The following CA3 variants were observed in gnomAD, a reference collection of about 807,000 sequenced individuals.
CA3 encodes carbonic anhydrase 3, also known as CA-III.
A neutral mutation model predicts 35.7 loss-of-function variants in CA3; 30 were observed. That is an observed-to-expected ratio of 0.84 (90% confidence interval 0.63 to 1.14). CA3 has a LOEUF of 1.14. Ranked by LOEUF, CA3 falls within the 50% of genes most tolerant of loss-of-function variation. The pLI is 0.00. For synonymous variants in CA3, 131 were observed against 130.8 expected (o/e 1.00, Z -0.01); for missense variants, 295 against 328.5 (o/e 0.90, Z 0.79).
intron 5 of CA3, 128 bp from the exon 6 acceptor site, chr8:85,446,012 CTT>C: frequency 1.1e-6 from 1 of 869,982 alleles, no homozygotes; most frequent in East Asian, 2.7e-5. Flanking sequence ...AAGGCTTATA[CTT>C]TGTTTAGAAG....
chr8:85,448,116 C>T lies in CA3; in HGVS notation c.746C>T (p.Pro249Leu). 6.2e-7 allele frequency: 1 copy of T among 1,613,442 alleles called. No individual in the cohort carries two copies. The highest frequency in any genetic ancestry group is 8.5e-7 in the Non-Finnish European group (1 of 1,179,702). ...PLVSNWRPPQ[P>L]INNRVVRASF... Reference sequence around the variant, plus strand: ...GTGAGCAACTGGCGACCTCCACAGCCTATCAATAACAGGGTGGTGAGAGCT... The same window carrying T: ...GTGAGCAACTGGCGACCTCCACAGCTTATCAATAACAGGGTGGTGAGAGCT... Residue 249 changes from proline to leucine, a missense_variant, in exon 7 of 7, where the codon CCT becomes CTT. Pro to Leu is a moderately conservative substitution (Grantham distance 98). Transcript: ENST00000285381.
intron 5 of CA3, among the ~76,000 whole-genome samples, 175 bp from the exon 6 acceptor site, chr8:85,445,967 C>G (rs1811283284): frequency 6.6e-6 from 1 of 152,150 alleles, no homozygotes; most frequent in African/African-American, 2.4e-5. Flanking sequence ...TAATAATGTG[C>G]AAACCAGCTT....
Position 85,448,021 on chromosome 8 carries a change from C to T in CA3, c.664-13C>T. On this transcript the variant is annotated splice_polypyrimidine_tract_variant and intron_variant, in intron 6 of 6. Coordinates refer to ENST00000285381, the MANE Select transcript of CA3 (RefSeq NM_005181.4). ...CGAATGTCTTGTTAACAGTCTGCCCCTGCCCTTTGCAGATGGCCAAGCTGC... is the reference window on the plus strand; with the variant it reads ...CGAATGTCTTGTTAACAGTCTGCCCTTGCCCTTTGCAGATGGCCAAGCTGC... 6.2e-7 allele frequency: 1 copy of T among 1,609,944 alleles called. No individual in the cohort carries two copies. The highest frequency in any genetic ancestry group is 8.5e-7 in the Non-Finnish European group (1 of 1,178,150).
At chr8:85,445,628 G>C (rs1316687960) in intron 5 of CA3, among the ~76,000 whole-genome samples, 3 of 151,736 alleles carry the variant, frequency 2.0e-5, no homozygotes, top group Non-Finnish European at 4.4e-5. Flanking sequence ...GAGCTTTCTG[G>C]GAAGCACTTA....
chr8:85,439,794 G>T lies in CA3; in HGVS notation c.117G>T (p.Arg39Ser), dbSNP rs1165727096. The T allele has an allele frequency of 1.9e-6, 3 of 1,613,950 alleles. No homozygotes were observed. Among genetic ancestry groups the T allele is most frequent in the Non-Finnish European group, 2.5e-6 (3 of 1,179,924 alleles). ...TTGAGCTGCATACTAAAGACATCAG[G>T]CATGACCCTTCTCTGCAGCCATGGT... ...SPVELHTKDI[R>S]HDPSLQPWSV... The change falls in exon 2 of 7, where the codon AGG (arginine) becomes AGT (serine). Residue 39 changes from arginine to serine, a missense_variant. Physicochemically the swap from Arg to Ser is moderately radical, Grantham distance 110 (BLOSUM62 -1). Transcript: ENST00000285381.
chr8:85,440,007 G>A (rs1811186920), intron 2 of CA3, 98 bp downstream of exon 2: 2 of 842,232 alleles, frequency 2.4e-6, no homozygotes, highest in Non-Finnish European at 3.8e-6. Context: ...TGGGGAGAGG[G>A]AGCACTTTAT....
At chr8:85,444,415 T>C (rs1048781264) in intron 4 of CA3, among the ~76,000 whole-genome samples, 1 of 152,104 alleles carries the variant, frequency 6.6e-6, no homozygotes, top group African/African-American at 2.4e-5. Flanking sequence ...TAGAGTGAGC[T>C]TATTACGGTG....
chr8:85,439,729 G>C lies in CA3; in HGVS notation c.52G>C (p.Glu18Gln), dbSNP rs138863892. 2.5e-6 allele frequency: 4 copies of C among 1,613,514 alleles called. No individual in the cohort carries two copies. Among genetic ancestry groups the C allele is most frequent in the Non-Finnish European group, 3.4e-6 (4 of 1,179,820 alleles). Residue 18 changes from glutamate (E) to glutamine (Q), a missense_variant, in exon 2 of 7, where the codon GAA (glutamate) becomes CAA (glutamine). Coordinates refer to ENST00000285381, the MANE Select transcript of CA3 (RefSeq NM_005181.4). The stretch of plus-strand genomic sequence containing the variant: ...TTTCCTAGGTCCTGACCACTGGCAT[G>C]AACTTTTCCCAAATGCCAAGGGGGA... ...ASHNGPDHWH[E>Q]LFPNAKGENQ...
At chr8:85,444,865 C>G (rs1448211896) in intron 4 of CA3, among the ~76,000 whole-genome samples, 2 of 152,090 alleles carry the variant, frequency 1.3e-5, no homozygotes, top group East Asian at 3.9e-4. Context: ...GGTTCTAAAT[C>G]TGGTTTTTAG....
rs962274782 is a variant in CA3 at position 85,448,295 on chromosome 8, A to T, written c.*142A>T. 5 of 755,540 alleles carry T rather than the reference A, an allele frequency of 6.6e-6. No individual in the cohort carries two copies. Among genetic ancestry groups the T allele is most frequent in the Admixed American group, 3.7e-5 (1 of 26,730 alleles). The allele number at this position is 755,540 out of a possible 1,614,324, so 46.8% of individuals were successfully genotyped here. ...GAATGTGAGAGATGTGGTCACCAAG[A>T]TCTAAGTTACTTGTTGAAAGAAAGT... is the stretch of plus-strand genomic sequence containing the variant. On this transcript the variant is annotated 3_prime_UTR_variant, in exon 7 of 7. Transcript: ENST00000285381.
chr8:85,443,113 C>T (rs1038554412), intron 3 of CA3, among the ~76,000 whole-genome samples: 3 of 152,132 alleles, frequency 2.0e-5, no homozygotes, highest in East Asian at 1.9e-4. Flanking sequence ...TATATATACA[C>T]ATGCATACAT....
At chr8:85,443,693 A>C (rs79175095) in intron 3 of CA3, among the ~76,000 whole-genome samples, 3,939 of 152,246 alleles carry the variant, frequency 0.026, 180 homozygotes, top group African/African-American at 0.09. Context: ...ACATTTTTTA[A>C]CTGCTGCAAA....
intron 2 of CA3, among the ~76,000 whole-genome samples, chr8:85,441,487 A>G (rs1811205831): frequency 6.6e-6 from 1 of 152,252 alleles, no homozygotes; most frequent in Non-Finnish European, 1.5e-5. Flanking sequence ...TGTAGTTGGA[A>G]GCAACACGTG....
intron 5 of CA3, among the ~76,000 whole-genome samples, chr8:85,445,833 T>C (rs1811280963): frequency 1.3e-5 from 2 of 152,240 alleles, no homozygotes; most frequent in Admixed American, 1.3e-4. Flanking sequence ...TTATATTAAA[T>C]AATTCAATTA....
Position 85,444,109 on chromosome 8 carries a change from A to G in CA3, c.427A>G (p.Ile143Val), listed in dbSNP as rs1585999377. The change falls in exon 4 of 7, where the codon ATT (isoleucine) becomes GTT (valine). Residue 143 changes from isoleucine (I) to valine (V), a missense_variant. Coordinates refer to ENST00000285381, the MANE Select transcript of CA3 (RefSeq NM_005181.4). ...GAAGCAGCGCGATGGGATCGCTGTG[A>G]TTGGCATTTTTCTGAAGGTAAAGTA... ...ALKQRDGIAVIGIFLKIGHEN... is the reference protein window; with the variant it reads ...ALKQRDGIAVVGIFLKIGHEN... 1.9e-6 allele frequency: 3 copies of G among 1,611,674 alleles called. No individual in the cohort carries two copies. The highest frequency in any genetic ancestry group is 2.5e-6 in the Non-Finnish European group (3 of 1,177,778).
At chr8:85,444,350 T>C (rs1441277469) in intron 4 of CA3, among the ~76,000 whole-genome samples, 1 of 149,928 alleles carries the variant, frequency 6.7e-6, no homozygotes, top group East Asian at 2.1e-4. Flanking sequence ...CACTTCTAAA[T>C]TTTCCCCAGA....
In CA3 at chr8:85,438,954, G is replaced by A; in HGVS notation, c.34+11G>A. ...ACGCCAGTCACAACGGTGAGTGCAG[G>A]CAGCCGCGACCCGGCCAGGAAGGGA... On this transcript the variant is annotated intron_variant, in intron 1 of 6. Coordinates refer to ENST00000285381, the MANE Select transcript of CA3 (RefSeq NM_005181.4). 6.4e-7 allele frequency: 1 copy of A among 1,551,030 alleles called. No individual in the cohort carries two copies. Among genetic ancestry groups the A allele is most frequent in the South Asian group, 1.2e-5 (1 of 84,048 alleles).
At chr8:85,443,757 C>T (rs915373535) in intron 3 of CA3, among the ~76,000 whole-genome samples, 1 of 152,190 alleles carries the variant, frequency 6.6e-6, no homozygotes, top group Admixed American at 6.5e-5. Flanking sequence ...TTTGATTAAC[C>T]TAACTGGTGC....
At chr8:85,440,694 A>G (rs1003216260) in intron 2 of CA3, among the ~76,000 whole-genome samples, 2 of 152,202 alleles carry the variant, frequency 1.3e-5, no homozygotes, top group African/African-American at 2.4e-5. Context: ...ATAATTCCTT[A>G]TAGCCCCATC....
Sources: allele counts gnomAD v4.1 joint callset (sites outside exome capture counted in the v4.1 genomes callset), GRCh38; gene constraint gnomAD v4.1.1; transcripts MANE v1.5; gene names NCBI Gene and HGNC (gene_info 2026-07-23, HGNC 2026-07-21).